The following CPED1 variants were observed in gnomAD, a reference collection of about 807,000 sequenced individuals.
The protein encoded by CPED1 is cadherin like and PC-esterase domain containing 1, also known as cadherin-like and PC-esterase domain-containing protein 1.
In CPED1, 114 loss-of-function variants were observed where a neutral mutation model predicts 128.2. That is an observed-to-expected ratio of 0.89 (90% CI 0.76 to 1.04). The LOEUF (loss-of-function observed/expected upper bound fraction) is 1.04, where lower values mean the gene tolerates loss of function less well. CPED1 is among the 50% of genes least tolerant of loss of function. The pLI is 0.00. For missense variants in CPED1, 1,211 were observed against 1,207.1 expected, an observed-to-expected ratio of 1.00 and a Z score of -0.05; for synonymous variants, 462 against 426.7, an observed-to-expected ratio of 1.08 and a Z score of -1.02.
chr7:121,011,761 C>A (rs1792167387), intron 2 of CPED1, among the ~76,000 whole-genome samples: 1 of 152,056 alleles, frequency 6.6e-6, no homozygotes, highest in Admixed American at 6.5e-5. Context: ...TGCATTAAAA[C>A]ATAATCGCTC....
chr7:120,990,928 G>A (rs1243972095), intron 2 of CPED1, among the ~76,000 whole-genome samples: 1 of 152,154 alleles, frequency 6.6e-6, no homozygotes, highest in Non-Finnish European at 1.5e-5. Context: ...CTGTGAGACA[G>A]GTACAGTAGA....
chr7:121,239,026 A>AAACTT (rs1215476578), intron 17 of CPED1, among the ~76,000 whole-genome samples: 2 of 152,138 alleles, frequency 1.3e-5, no homozygotes, highest in Non-Finnish European at 2.9e-5. Context: ...AAAGACTCAA[A>AAACTT]AACTTAACAA....
chr7:121,282,916 T>C, intron 22 of CPED1, among the ~76,000 whole-genome samples: 1 of 152,192 alleles, frequency 6.6e-6, no homozygotes, highest in East Asian at 1.9e-4. Context: ...CAGACAACTC[T>C]GAAGATTGAA....
Position 121,015,728 on chromosome 7 carries a change from C to T in CPED1, c.313C>T (p.Pro105Ser). 1 of 1,611,858 alleles carries T rather than the reference C, an allele frequency of 6.2e-7. No individual in the cohort carries two copies. Among genetic ancestry groups the T allele is most frequent in the Non-Finnish European group, 8.5e-7 (1 of 1,179,222 alleles). ...HGRRAILYRP[P>S]FYSKTELQLH... Reference sequence around the variant, plus strand: ...CCGAAGGGCCATACTCTACAGGCCTCCTTTCTACAGCAAAACAGAGCTTCA... The same window carrying T: ...CCGAAGGGCCATACTCTACAGGCCTTCTTTCTACAGCAAAACAGAGCTTCA... Residue 105 changes from proline to serine, a missense_variant, in exon 3 of 23, where the codon CCT becomes TCT. Physicochemically the swap from Pro to Ser is moderately conservative, Grantham distance 74 (BLOSUM62 -1). Transcript: ENST00000310396.
intron 16 of CPED1, among the ~76,000 whole-genome samples, chr7:121,191,160 G>C (rs1349933421): frequency 6.6e-6 from 1 of 152,112 alleles, no homozygotes; most frequent in East Asian, 1.9e-4. Context: ...TAAAAGAACT[G>C]TTTGATTCAT....
chr7:121,240,153 A>G (rs543336479), intron 17 of CPED1, among the ~76,000 whole-genome samples: 1 of 152,198 alleles, frequency 6.6e-6, no homozygotes, highest in Non-Finnish European at 1.5e-5. Flanking sequence ...CAGAGACCCA[A>G]TCAGGCTTCC....
chr7:121,203,721 A>G lies in CPED1; in HGVS notation c.2056-32993A>G, dbSNP rs146935037. Among the ~76,000 whole-genome samples the G allele has an allele frequency of 2.9e-3, 435 of 152,270 alleles. 1 individual carries two copies. Among genetic ancestry groups the G allele is most frequent in the Non-Finnish European group, 3.9e-3 (263 of 68,004 alleles). On this transcript the variant is annotated intron_variant, in intron 16 of 22. Coordinates refer to ENST00000310396, the MANE Select transcript of CPED1 (RefSeq NM_024913.5). ...GGCCACTGAAATTGTTAACAAGTGT[A>G]TAATAGCAGGAGGAATTCTGACTAA... is the stretch of plus-strand genomic sequence containing the variant.
intron 16 of CPED1, among the ~76,000 whole-genome samples, chr7:121,198,792 T>C (rs1283729607): frequency 6.6e-6 from 1 of 152,198 alleles, no homozygotes; most frequent in African/African-American, 2.4e-5. Flanking sequence ...CATGTGATTC[T>C]ATTTTAAGTT....
At chr7:121,275,617 CT>C (rs537571430) in intron 22 of CPED1, among the ~76,000 whole-genome samples, 2 of 152,108 alleles carry the variant, frequency 1.3e-5, no homozygotes, top group South Asian at 4.1e-4. Context: ...TAATATCTTC[CT>C]TTTTTGGCAA....
At chr7:121,285,749 C>T (rs1197676596) in intron 22 of CPED1, among the ~76,000 whole-genome samples, 5 of 152,204 alleles carry the variant, frequency 3.3e-5, no homozygotes, top group Non-Finnish European at 7.3e-5. Flanking sequence ...TTCAACAAGT[C>T]TCTAGGAAGT....
chr7:121,082,795 G>A (rs982562181), intron 5 of CPED1, among the ~76,000 whole-genome samples: 10 of 152,054 alleles, frequency 6.6e-5, no homozygotes, highest in Admixed American at 3.9e-4. Context: ...CCACTATACT[G>A]TATTTTAAGT....
At chr7:120,996,008 G>T (rs1341967942) in intron 2 of CPED1, among the ~76,000 whole-genome samples, 2 of 150,734 alleles carry the variant, frequency 1.3e-5, no homozygotes, top group Non-Finnish European at 2.9e-5. Flanking sequence ...TCTGGGAGTG[G>T]TGGCTCACAT....
intron 3 of CPED1, among the ~76,000 whole-genome samples, chr7:121,041,594 T>G (rs912796753): frequency 3.3e-5 from 5 of 152,118 alleles, no homozygotes; most frequent in Admixed American, 3.3e-4. Flanking sequence ...ATCTTGCAGA[T>G]GTTATCAGCG....
chr7:121,039,421 AC>A (rs145770722), intron 3 of CPED1, among the ~76,000 whole-genome samples: 3,226 of 152,016 alleles, frequency 0.021, 125 homozygotes, highest in African/African-American at 0.073. Context: ...TCCTGCCCCA[AC>A]CCTTAAAACA....
chr7:121,222,469 G>A (rs1479154888), intron 16 of CPED1, among the ~76,000 whole-genome samples: 1 of 151,864 alleles, frequency 6.6e-6, no homozygotes, highest in Admixed American at 6.6e-5. Flanking sequence ...GAATTTTAGA[G>A]TACTTTTTCC....
intron 3 of CPED1, among the ~76,000 whole-genome samples, chr7:121,041,370 A>G (rs1237153869): frequency 1.2e-5 from 1 of 85,956 alleles, no homozygotes; most frequent in Admixed American, 1.6e-4. Flanking sequence ...ACCATAATAA[A>G]CAAATACAGA....
intron 16 of CPED1, among the ~76,000 whole-genome samples, chr7:121,180,232 A>G (rs1384916578): frequency 1.3e-5 from 2 of 152,044 alleles, no homozygotes; most frequent in Non-Finnish European, 2.9e-5. Flanking sequence ...TTTTCATGTG[A>G]GTAGATTATC....
intron 16 of CPED1, among the ~76,000 whole-genome samples, chr7:121,170,538 C>T (rs577570829): frequency 1.3e-5 from 2 of 152,174 alleles, no homozygotes; most frequent in South Asian, 4.2e-4. Context: ...ATAATAAGTA[C>T]TCAGTAAAAG....
Position 120,995,950 on chromosome 7 carries a change from TCCTC to T in CPED1, c.249+6082_249+6085del, listed in dbSNP as rs1562985556. 6.4e-3 allele frequency among the ~76,000 whole-genome samples: 223 copies of T among 34,948 alleles called. 1 individual carries two copies. Among genetic ancestry groups the T allele is most frequent in the Middle Eastern group, 0.026 (1 of 38 alleles). 22.9% of individuals were successfully genotyped at this position (34,948 alleles called of 152,430 possible). On this transcript the variant is annotated intron_variant, in intron 2 of 22. Transcript: ENST00000310396. ...CTCCTTCTCCTCCTCCTTCTTCTCC[TCCTC>T]CTCCTCCTCCTCCTCCTTCTTCTTC... is the stretch of plus-strand genomic sequence containing the variant.
Sources: allele counts gnomAD v4.1 joint callset (sites outside exome capture counted in the v4.1 genomes callset), GRCh38; gene constraint gnomAD v4.1.1; transcripts MANE v1.5; gene names NCBI Gene and HGNC (gene_info 2026-07-23, HGNC 2026-07-21).